The following CSMD3 variants were observed in gnomAD, a reference collection of about 807,000 sequenced individuals.
CSMD3 encodes the protein CUB and Sushi multiple domains 3.
A neutral mutation model predicts 435.2 loss-of-function variants in CSMD3; 177 were observed. The ratio of observed to expected loss-of-function variants is 0.41; its 90% CI spans 0.36 to 0.46. The LOEUF (loss-of-function observed/expected upper bound fraction) is 0.46, where lower values mean the gene tolerates loss of function less well. Ranked by LOEUF, CSMD3 falls within the 20% of genes least tolerant of loss-of-function variation. CSMD3 has a pLI of 0.34. For synonymous variants in CSMD3, 1,656 were observed against 1,520.5 expected (o/e 1.09, Z -2.07); for missense variants, 4,265 against 4,504.6 (o/e 0.95, Z 1.52).
intron 33 of CSMD3, 33 bp downstream of exon 33, chr8:112,408,886 T>C (rs368243015): frequency 6.2e-7 from 1 of 1,613,172 alleles, no homozygotes; most frequent in African/African-American, 1.3e-5. Context: ...CTTTAATCAG[T>C]AACTGATGCA....
Position 112,237,336 on chromosome 8 carries a change from A to C in CSMD3, c.10481T>G (p.Val3494Gly). The change falls in exon 67 of 71, where the codon GTA (valine) becomes GGA (glycine). Residue 3494 changes from valine (V) to glycine (G), a missense_variant. This residue lies in a region of CSMD3 where 3,255 missense variants were observed against 3,380.2 expected (regional missense o/e 0.96). Coordinates refer to ENST00000297405, the MANE Select transcript of CSMD3 (RefSeq NM_198123.2). ...TTTCCATATATAATTTTGGGCAAAT[A>C]CATCATCAGGAACTGTGAATAGATT... ...PSPKLSVPDD[V>G]FAQNYIWKGS... 1.9e-6 allele frequency: 3 copies of C among 1,609,302 alleles called. No homozygotes were observed. Among genetic ancestry groups the C allele is most frequent in the Non-Finnish European group, 2.6e-6 (3 of 1,175,732 alleles).
chr8:113,300,963 G>A (rs979143780), intron 2 of CSMD3, among the ~76,000 whole-genome samples: 1 of 151,946 alleles, frequency 6.6e-6, no homozygotes, highest in African/African-American at 2.4e-5. Flanking sequence ...ATAAGGTTGA[G>A]CCAAAAAAAG....
chr8:112,590,779 C>T (rs1831119993), intron 22 of CSMD3, among the ~76,000 whole-genome samples: 1 of 151,946 alleles, frequency 6.6e-6, no homozygotes, highest in South Asian at 2.1e-4. Flanking sequence ...TTAGGGGTTG[C>T]AATGTTTTCT....
chr8:112,315,501 G>A (rs1822375984), intron 47 of CSMD3, among the ~76,000 whole-genome samples: 1 of 151,758 alleles, frequency 6.6e-6, no homozygotes, highest in South Asian at 2.1e-4. Context: ...TTGAAGTTCT[G>A]TGATGTGGAA....
chr8:112,867,895 G>A (rs910963069), intron 10 of CSMD3, among the ~76,000 whole-genome samples: 4 of 151,990 alleles, frequency 2.6e-5, no homozygotes, highest in African/African-American at 9.7e-5. Flanking sequence ...TACTTAAATA[G>A]TGAATTAACC....
intron 28 of CSMD3, among the ~76,000 whole-genome samples, chr8:112,507,374 A>C (rs1414289279): frequency 6.6e-6 from 1 of 152,188 alleles, no homozygotes; most frequent in African/African-American, 2.4e-5. Context: ...TTAGGGGATT[A>C]CTGTTGAAGT....
At chr8:113,252,456 G>A (rs2093342997) in intron 3 of CSMD3, among the ~76,000 whole-genome samples, 1 of 150,480 alleles carries the variant, frequency 6.6e-6, no homozygotes, top group African/African-American at 2.4e-5. Context: ...CAAATTTTAT[G>A]TATTTTTTTT....
chr8:112,930,078 T>C (rs771143007), intron 9 of CSMD3, among the ~76,000 whole-genome samples: 3 of 152,108 alleles, frequency 2.0e-5, no homozygotes, highest in Non-Finnish European at 4.4e-5. Flanking sequence ...ATGAAATAAT[T>C]TAATGCTATA....
chr8:113,010,530 C>T (rs2086219535), intron 6 of CSMD3, among the ~76,000 whole-genome samples: 1 of 151,428 alleles, frequency 6.6e-6, no homozygotes, highest in Admixed American at 6.6e-5. Context: ...AAATATTGTC[C>T]ATATTATAAC....
intron 1 of CSMD3, among the ~76,000 whole-genome samples, chr8:113,350,215 C>G (rs1053148228): frequency 2.6e-5 from 4 of 151,978 alleles, no homozygotes; most frequent in African/African-American, 9.7e-5. Flanking sequence ...TAAGCCCAGA[C>G]AGCCCAGAGA....
chr8:112,640,697 G>A (rs1028436978), intron 20 of CSMD3, among the ~76,000 whole-genome samples: 1 of 151,546 alleles, frequency 6.6e-6, no homozygotes, highest in Non-Finnish European at 1.5e-5. Context: ...TATAAAATCA[G>A]TATTGATACT....
At chr8:112,590,239 G>A (rs915931357) in intron 22 of CSMD3, among the ~76,000 whole-genome samples, 1 of 152,056 alleles carries the variant, frequency 6.6e-6, no homozygotes, top group Non-Finnish European at 1.5e-5. Flanking sequence ...AAGGATGGAT[G>A]TCTATCATAC....
intron 6 of CSMD3, among the ~76,000 whole-genome samples, chr8:112,983,683 A>G (rs970900109): frequency 1.3e-5 from 2 of 151,692 alleles, no homozygotes; most frequent in Non-Finnish European, 2.9e-5. Flanking sequence ...GAAGTTTGCC[A>G]TAAGACCATT....
intron 5 of CSMD3, among the ~76,000 whole-genome samples, chr8:113,047,468 T>C (rs972876386): frequency 3.3e-5 from 5 of 152,232 alleles, no homozygotes; most frequent in East Asian, 1.9e-4. Context: ...ATAGACAGTA[T>C]ATTATTTGTT....
intron 6 of CSMD3, among the ~76,000 whole-genome samples, chr8:113,001,286 C>T (rs1039200959): frequency 6.6e-5 from 10 of 152,054 alleles, no homozygotes; most frequent in East Asian, 1.9e-4. Context: ...TTCCTTATCA[C>T]GGCCTGAGGA....
chr8:112,435,677 C>T (rs907898466), intron 32 of CSMD3, among the ~76,000 whole-genome samples: 3 of 152,032 alleles, frequency 2.0e-5, no homozygotes, highest in Non-Finnish European at 4.4e-5. Context: ...TAGTGGAATG[C>T]CTACTAAGAC....
intron 3 of CSMD3, among the ~76,000 whole-genome samples, chr8:113,214,351 G>C (rs546097188): frequency 4.6e-5 from 7 of 152,062 alleles, no homozygotes; most frequent in Non-Finnish European, 8.8e-5. Flanking sequence ...AGCAGATATA[G>C]GTTATTGGGT....
chr8:112,857,089 GGT>G (rs1021877330), intron 11 of CSMD3, among the ~76,000 whole-genome samples: 3 of 150,830 alleles, frequency 2.0e-5, no homozygotes, highest in South Asian at 4.2e-4. Flanking sequence ...GTGAAACTGT[GGT>G]GTGTGTGTGT....
At chr8:112,293,239 T>C (rs1203673985) in intron 54 of CSMD3, among the ~76,000 whole-genome samples, 1 of 152,072 alleles carries the variant, frequency 6.6e-6, no homozygotes, top group Middle Eastern at 3.2e-3. Context: ...TAGTGAGCTA[T>C]GATCTTGCCA....
Sources: gnomAD v4.1 joint callset for allele counts (sites outside exome capture counted in the v4.1 genomes callset) on GRCh38, gnomAD v4.1.1 for gene constraint, gnomAD v4.1.1 regional missense constraint, MANE v1.5 for transcripts, NCBI Gene and HGNC (gene_info 2026-07-23, HGNC 2026-07-21) for gene names.